FRMD5: variants seen among roughly 807,000 people sequenced by gnomAD.
FRMD5 encodes the protein FERM domain-containing protein 5.
In FRMD5, 20 loss-of-function variants were observed where a neutral mutation model predicts 69.0. The ratio of observed to expected loss-of-function variants is 0.29; its 90% CI spans 0.20 to 0.42. The LOEUF (loss-of-function observed/expected upper bound fraction) is 0.42, where lower values mean the gene tolerates loss of function less well. Among genes scored for constraint, FRMD5 ranks in the 10% least tolerant of loss-of-function variants. The probability of loss-of-function intolerance (pLI) is 1.00; values close to 1 mark genes in which losing one functional copy is unlikely to be tolerated. For missense variants in FRMD5, 595 were observed against 708.6 expected (o/e 0.84, Z 1.82); for synonymous variants, 271 against 260.1 (o/e 1.04, Z -0.40).
chr15:44,011,712 G>A (rs922775581), intron 1 of FRMD5, among the ~76,000 whole-genome samples: 56 of 152,140 alleles, frequency 3.7e-4, no homozygotes, highest in African/African-American at 1.4e-3. Context: ...GGGAATACTT[G>A]CATTTAGGAT....
chr15:43,959,590 C>T (rs1367843583), intron 1 of FRMD5, among the ~76,000 whole-genome samples: 8 of 152,298 alleles, frequency 5.3e-5, no homozygotes, highest in Admixed American at 3.9e-4. Flanking sequence ...CTAGCTGGGA[C>T]ACCAACTACT....
intron 1 of FRMD5, among the ~76,000 whole-genome samples, chr15:44,102,516 A>G (rs1294656604): frequency 6.6e-6 from 1 of 152,226 alleles, no homozygotes; most frequent in Non-Finnish European, 1.5e-5. Context: ...AGGGTATGGA[A>G]ATGAAGATCT....
intron 13 of FRMD5, among the ~76,000 whole-genome samples, chr15:43,882,999 G>T (rs1004856652): frequency 6.6e-6 from 1 of 151,752 alleles, no homozygotes; most frequent in Non-Finnish European, 1.5e-5. Flanking sequence ...TAGAGAAGGG[G>T]TTTCACCATG....
At chr15:43,983,781 T>G in intron 1 of FRMD5, among the ~76,000 whole-genome samples, 1 of 152,130 alleles carries the variant, frequency 6.6e-6, no homozygotes, top group East Asian at 1.9e-4. Context: ...CCTCCCCCCA[T>G]CCACCGTCTC....
chr15:44,109,663 C>A (rs550128608), intron 1 of FRMD5, among the ~76,000 whole-genome samples: 5 of 152,122 alleles, frequency 3.3e-5, no homozygotes, highest in Admixed American at 3.3e-4. Context: ...ACCATTATCA[C>A]CCAAAGTCCA....
chr15:44,165,407 G>A (rs915288481), intron 1 of FRMD5, among the ~76,000 whole-genome samples: 1 of 152,192 alleles, frequency 6.6e-6, no homozygotes, highest in Non-Finnish European at 1.5e-5. Context: ...AGGCGACCGA[G>A]TGAGACTCCA....
chr15:44,033,791 G>A (rs1891789975), intron 1 of FRMD5, among the ~76,000 whole-genome samples: 1 of 152,150 alleles, frequency 6.6e-6, no homozygotes, highest in Non-Finnish European at 1.5e-5. Context: ...GGGGTAAGTT[G>A]TTTGAACTCT....
At chr15:44,135,401 G>GT (rs2077167184) in intron 1 of FRMD5, among the ~76,000 whole-genome samples, 1 of 152,110 alleles carries the variant, frequency 6.6e-6, no homozygotes, top group Non-Finnish European at 1.5e-5. Context: ...TTTCCTTACA[G>GT]TACCTATTCC....
At chr15:44,135,223 G>A (rs2077164166) in intron 1 of FRMD5, among the ~76,000 whole-genome samples, 1 of 152,170 alleles carries the variant, frequency 6.6e-6, no homozygotes, top group African/African-American at 2.4e-5. Context: ...AAAAACAAGA[G>A]TAGTGCCAGA....
intron 1 of FRMD5, among the ~76,000 whole-genome samples, chr15:43,951,994 G>C (rs868050970): frequency 2.9e-5 from 3 of 103,260 alleles, no homozygotes; most frequent in African/African-American, 1.3e-4. Context: ...GTGTGTGTGT[G>C]TGTGTCTGTG....
chr15:43,891,879 CTG>C lies in FRMD5; in HGVS notation c.728+100_728+101del, dbSNP rs145910002. 1,319 of 934,896 alleles carry C rather than the reference CTG, an allele frequency of 1.4e-3. 8 individuals carry two copies. The African/African-American group carries it at 0.019, about 13-fold the overall frequency. The allele number at this position is 934,896 out of a possible 1,614,324, so 57.9% of individuals were successfully genotyped here. On this transcript the variant is annotated intron_variant, in intron 8 of 13. Transcript: ENST00000417257. ...TCAACGCAAGGCTTTGGAGAGGGCT[CTG>C]AACCAGAACTGCCCAATCACAGACA...
intron 1 of FRMD5, among the ~76,000 whole-genome samples, chr15:44,150,413 C>A (rs1223853453): frequency 6.6e-6 from 1 of 151,468 alleles, no homozygotes; most frequent in Non-Finnish European, 1.5e-5. Flanking sequence ...AAAGATTCCA[C>A]CCCCATCAAA....
intron 1 of FRMD5, among the ~76,000 whole-genome samples, chr15:44,182,693 A>G (rs934713080): frequency 2.0e-5 from 3 of 152,190 alleles, no homozygotes; most frequent in African/African-American, 4.8e-5. Context: ...TACAATCAAC[A>G]TATATTAAGC....
intron 13 of FRMD5, among the ~76,000 whole-genome samples, chr15:43,878,552 G>A (rs941854649): frequency 6.6e-6 from 1 of 152,162 alleles, no homozygotes; most frequent in African/African-American, 2.4e-5. Flanking sequence ...ATTTGCACAT[G>A]CAGCTTGAGG....
intron 8 of FRMD5, 117 bp downstream of exon 8, chr15:43,891,864 G>T: frequency 1.3e-6 from 1 of 792,412 alleles, no homozygotes; most frequent in Non-Finnish European, 2.2e-6. Context: ...TCAACGCAAG[G>T]CTTTGGAGAG....
intron 1 of FRMD5, among the ~76,000 whole-genome samples, chr15:43,958,480 G>C (rs1477074192): frequency 6.6e-6 from 1 of 152,182 alleles, no homozygotes; most frequent in African/African-American, 2.4e-5. Flanking sequence ...GAGCGCAGTG[G>C]CAACATCACA....
chr15:44,180,653 T>C (rs1057088186), intron 1 of FRMD5, among the ~76,000 whole-genome samples: 2 of 152,070 alleles, frequency 1.3e-5, no homozygotes, highest in East Asian at 3.9e-4. Flanking sequence ...GGCGTGGTGG[T>C]GGGCACCTTT....
intron 1 of FRMD5, among the ~76,000 whole-genome samples, chr15:44,104,345 A>T (rs760946491): frequency 1.5e-4 from 23 of 152,230 alleles, no homozygotes; most frequent in Non-Finnish European, 2.1e-4. Context: ...AGCTGAGCTT[A>T]ATTTGTTATT....
intron 13 of FRMD5, among the ~76,000 whole-genome samples, chr15:43,880,002 T>TA (rs1040316097): frequency 6.6e-6 from 1 of 152,156 alleles, no homozygotes; most frequent in African/African-American, 2.4e-5. Context: ...GAGGCCTGGA[T>TA]AAGGGCTCCA....
Sources: allele counts gnomAD v4.1 joint callset (sites outside exome capture counted in the v4.1 genomes callset), GRCh38; gene constraint gnomAD v4.1.1; transcripts MANE v1.5; gene names NCBI Gene and HGNC (gene_info 2026-07-23, HGNC 2026-07-21).